The following GTF2IRD1 variants were observed in gnomAD, a reference collection of about 807,000 sequenced individuals.
GTF2IRD1 encodes GTF2I repeat domain containing 1.
Under a neutral mutation model 113.2 loss-of-function variants are expected in GTF2IRD1, and 26 were observed. That is an observed-to-expected ratio of 0.23 (90% CI 0.17 to 0.32). The LOEUF is 0.32. GTF2IRD1 is among the 10% of genes least tolerant of loss of function. The probability of loss-of-function intolerance (pLI) is 1.00; values close to 1 mark genes in which losing one functional copy is unlikely to be tolerated. For synonymous variants in GTF2IRD1, 484 were observed against 529.1 expected (o/e 0.91, Z 1.17); for missense variants, 864 against 1,280.8 (o/e 0.67, Z 4.97).
chr7:74,587,614 C>T (rs1403233200), intron 22 of GTF2IRD1, among the ~76,000 whole-genome samples: 1 of 152,100 alleles, frequency 6.6e-6, no homozygotes, highest in Non-Finnish European at 1.5e-5. Flanking sequence ...TGTGACCCCA[C>T]GCTTCTCAGA....
chr7:74,477,341 G>A (rs1554333731), intron 1 of GTF2IRD1, among the ~76,000 whole-genome samples: 2 of 140,108 alleles, frequency 1.4e-5, no homozygotes, highest in African/African-American at 2.7e-5. Context: ...TCCAGCCTGG[G>A]CGACAGTTTT....
chr7:74,583,931 C>T (rs1271866551), intron 22 of GTF2IRD1, among the ~76,000 whole-genome samples: 2 of 152,110 alleles, frequency 1.3e-5, no homozygotes, highest in African/African-American at 4.8e-5. Flanking sequence ...CTTTGGGCCC[C>T]GTGTGGTGGT....
At chr7:74,534,728 T>A (rs1798186536) in intron 9 of GTF2IRD1, among the ~76,000 whole-genome samples, 1 of 144,902 alleles carries the variant, frequency 6.9e-6, no homozygotes, top group African/African-American at 2.6e-5. Flanking sequence ...AAAAGTTAAT[T>A]AATTAATTAG....
In GTF2IRD1 at chr7:74,590,785, G is replaced by A. The variant is rs1802011383; in HGVS notation, c.2399-40G>A. On this transcript the variant is annotated intron_variant, in intron 23 of 26. Transcript: ENST00000424337. ...TCCCTAGAGGGCTTTGCCATTGACAGGAGACATCTTTCCTCACTGTGACTT... is the reference window on the plus strand; with the variant it reads ...TCCCTAGAGGGCTTTGCCATTGACAAGAGACATCTTTCCTCACTGTGACTT... 2.1e-6 allele frequency: 3 copies of A among 1,413,406 alleles called. No homozygotes were observed. The East Asian group carries it at 7.0e-5, about 33-fold the overall frequency. The allele number at this position is 1,413,406 out of a possible 1,614,324, so 87.6% of individuals were successfully genotyped here. A position where few individuals can be genotyped will look rare whatever the true frequency, so the allele number is the denominator to read the frequency against.
At chr7:74,454,207 C>G (rs1249831817) in intron 1 of GTF2IRD1, 31 bp downstream of exon 1, 1 of 151,010 alleles carries the variant, frequency 6.6e-6, no homozygotes, top group Non-Finnish European at 1.5e-5. Context: ...GGGCGGGCAC[C>G]GAGGCCCTTC....
chr7:74,473,759 A>G (rs1263114868), intron 1 of GTF2IRD1, among the ~76,000 whole-genome samples: 1 of 152,012 alleles, frequency 6.6e-6, no homozygotes, highest in Non-Finnish European at 1.5e-5. Context: ...ACCATCCTGG[A>G]CAGCCCGCAA....
chr7:74,599,940 G>C (rs1323463101), intron 25 of GTF2IRD1, among the ~76,000 whole-genome samples: 1 of 152,156 alleles, frequency 6.6e-6, no homozygotes, highest in Non-Finnish European at 1.5e-5. Context: ...GCCCAGGAAA[G>C]AATGTGGCCT....
chr7:74,495,672 C>G (rs1554337661), intron 1 of GTF2IRD1, among the ~76,000 whole-genome samples: 1 of 152,074 alleles, frequency 6.6e-6, no homozygotes, highest in African/African-American at 2.4e-5. Context: ...GGAGCCCAAC[C>G]GAGGGGCACA....
intron 1 of GTF2IRD1, among the ~76,000 whole-genome samples, chr7:74,498,110 C>T (rs1584526555): frequency 6.6e-6 from 1 of 152,122 alleles, no homozygotes; most frequent in Non-Finnish European, 1.5e-5. Context: ...TGTTTTATGG[C>T]CATTTGTATA....
At chr7:74,478,778 C>T (rs896963229) in intron 1 of GTF2IRD1, among the ~76,000 whole-genome samples, 1 of 151,684 alleles carries the variant, frequency 6.6e-6, no homozygotes, top group Non-Finnish European at 1.5e-5. Context: ...TAGGGTCTTG[C>T]TGTATTGTCC....
intron 7 of GTF2IRD1, among the ~76,000 whole-genome samples, chr7:74,523,839 A>C (rs1252594624): frequency 6.6e-6 from 1 of 152,170 alleles, no homozygotes; most frequent in African/African-American, 2.4e-5. Flanking sequence ...CTGTTCTGAC[A>C]CCACACCCGT....
rs782360963 is a variant in GTF2IRD1, at chr7:74,555,132, G to A, written c.1917-42G>A. 2 of 1,594,484 alleles carry A rather than the reference G, an allele frequency of 1.3e-6. No individual in the cohort carries two copies. The highest frequency in any genetic ancestry group is 2.2e-5 in the South Asian group (2 of 89,756). On this transcript the variant is annotated intron_variant, in intron 17 of 26. Transcript: ENST00000424337. The surrounding 1 kb of genome is among the most constrained non-coding windows in gnomAD (Gnocchi z 5.3). ...AGGAGGGCTGAGCAGTCCCAGAGAT[G>A]CTTGGAGGGACCTCTGTGATAGCCT...
At chr7:74,537,423 A>C (rs374323842) in intron 11 of GTF2IRD1, among the ~76,000 whole-genome samples, 26 of 152,164 alleles carry the variant, frequency 1.7e-4, no homozygotes, top group Middle Eastern at 3.4e-3. Flanking sequence ...AAAAAAAAAA[A>C]ACAAAAAAAA....
At position 74,515,402 on chromosome 7, in the gene GTF2IRD1, G is replaced by C. The variant is rs782673228; in HGVS notation, c.266-39G>C. 4.5e-6 allele frequency: 7 copies of C among 1,553,194 alleles called. No homozygotes were observed. In the Admixed American group the frequency reaches 1.4e-4, roughly 30 times the overall value. On this transcript the variant is annotated intron_variant, in intron 3 of 26. Coordinates refer to ENST00000424337, the MANE Select transcript of GTF2IRD1 (RefSeq NM_005685.4). ...CAGCTCGAAGGCCGGGTGGTGAGAC[G>C]GGTGCTCACTGTGGCCTCGCGTGCT...
chr7:74,594,873 AC>A (rs1802311440), intron 24 of GTF2IRD1, 140 bp from the exon 25 acceptor site: 7 of 497,774 alleles, frequency 1.4e-5, no homozygotes, highest in Non-Finnish European at 2.6e-5. Context: ...AATGGCGTGA[AC>A]CCAGGAGGTG....
At position 74,501,943 on chromosome 7, in the gene GTF2IRD1, C is replaced by T. The variant is rs118090491; in HGVS notation, c.-6-6132C>T. On this transcript the variant is annotated intron_variant, in intron 1 of 26. Transcript: ENST00000424337. Reference sequence around the variant, plus strand: ...CTGGGATTACAGGTGTGAGCTACCGCGCCTGGCCTTTGTTGTTGTTTTGAG... The same window carrying T: ...CTGGGATTACAGGTGTGAGCTACCGTGCCTGGCCTTTGTTGTTGTTTTGAG... 4.9e-4 allele frequency among the ~76,000 whole-genome samples: 75 copies of T among 152,172 alleles called. No individual in the cohort carries two copies. In the East Asian group the frequency reaches 0.011, roughly 22 times the overall value.
At chr7:74,496,363 TG>T (rs1346820305) in intron 1 of GTF2IRD1, among the ~76,000 whole-genome samples, 1 of 143,520 alleles carries the variant, frequency 7.0e-6, no homozygotes, top group Non-Finnish European at 1.5e-5. Context: ...TGTGGGTGCA[TG>T]TGTGTGTGCA....
intron 9 of GTF2IRD1, 107 bp downstream of exon 9, chr7:74,530,024 A>G: frequency 2.7e-6 from 2 of 731,994 alleles, no homozygotes; most frequent in Non-Finnish European, 4.5e-6. Context: ...AGCCTGGTCA[A>G]CATGGCAAAA....
intron 17 of GTF2IRD1, among the ~76,000 whole-genome samples, chr7:74,551,250 C>T (rs1307239659): frequency 6.6e-6 from 1 of 151,686 alleles, no homozygotes; most frequent in Non-Finnish European, 1.5e-5. Context: ...GGCTGAGGCT[C>T]AAGAATCACT....
Sources: allele counts gnomAD v4.1 joint callset (sites outside exome capture counted in the v4.1 genomes callset), GRCh38; gene constraint gnomAD v4.1.1; non-coding constraint Gnocchi (gnomAD v3.1); transcripts MANE v1.5; gene names NCBI Gene and HGNC (gene_info 2026-07-23, HGNC 2026-07-21).